Variants in KIAA1671 observed in about 807,000 individuals in gnomAD.
The protein encoded by KIAA1671 is KIAA1671.
Under a neutral mutation model 131.2 loss-of-function variants are expected in KIAA1671, and 52 were observed. The observed-to-expected ratio is 0.40, with a 90% CI of 0.32 to 0.50. KIAA1671 has a LOEUF of 0.50. KIAA1671 is among the 20% of genes least tolerant of loss of function. KIAA1671 has a pLI of 0.73. For synonymous variants in KIAA1671, 1,003 were observed against 961.6 expected, an observed-to-expected ratio of 1.04 and a Z score of -0.80; for missense variants, 2,360 against 2,364.2, an observed-to-expected ratio of 1.00 and a Z score of 0.04.
At chr22:25,042,114 A>T (rs1926960927) in intron 5 of KIAA1671, among the ~76,000 whole-genome samples, 2 of 152,192 alleles carry the variant, frequency 1.3e-5, no homozygotes, top group East Asian at 1.9e-4. Context: ...GAATCTGAAA[A>T]TCTAGATTTT....
intron 1 of KIAA1671, among the ~76,000 whole-genome samples, chr22:24,990,525 C>T (rs1400409816): frequency 2.0e-5 from 3 of 152,262 alleles, no homozygotes; most frequent in African/African-American, 4.8e-5. Context: ...TGCTCACACA[C>T]ATGTGCCTGC....
intron 5 of KIAA1671, 99 bp from the exon 6 acceptor site, chr22:25,049,131 T>C (rs1927396603): frequency 1.4e-6 from 2 of 1,388,162 alleles, no homozygotes; most frequent in Non-Finnish European, 1.9e-6. Flanking sequence ...TTTTCTTCTT[T>C]GCCCTTTTTG....
At chr22:25,097,450 A>G (rs1930443663) in intron 6 of KIAA1671, among the ~76,000 whole-genome samples, 1 of 152,200 alleles carries the variant, frequency 6.6e-6, no homozygotes, top group South Asian at 2.1e-4. Context: ...GCACCTTCAA[A>G]AGGTTGTAGG....
chr22:25,167,408 G>A (rs1014150338), intron 6 of KIAA1671, among the ~76,000 whole-genome samples: 1 of 152,152 alleles, frequency 6.6e-6, no homozygotes, highest in African/African-American at 2.4e-5. Context: ...GATTATAGTG[G>A]TGAAGAAAAT....
intron 6 of KIAA1671, among the ~76,000 whole-genome samples, chr22:25,136,922 C>G (rs771692791): frequency 3.3e-5 from 5 of 152,070 alleles, no homozygotes; most frequent in Non-Finnish European, 5.9e-5. Flanking sequence ...CAGAATGATA[C>G]GGATACTTCA....
chr22:25,091,036 A>G (rs1024821479), intron 6 of KIAA1671, among the ~76,000 whole-genome samples: 17 of 152,138 alleles, frequency 1.1e-4, no homozygotes, highest in African/African-American at 4.1e-4. Context: ...GACTGCGTGA[A>G]TGAGTGAAGG....
chr22:25,029,321 T>C lies in KIAA1671; in HGVS notation c.1322T>C (p.Ile441Thr). ...WASRRSVRKC[I>T]SLFREDSTLA... ...TCCAGGAGGAGTGTCAGGAAGTGCA[T>C]CAGCCTGTTTCGGGAGGACAGCACC... The change falls in exon 3 of 13, where the codon ATC becomes ACC. Residue 441 changes from isoleucine to threonine, a missense_variant. Physicochemically the swap from Ile to Thr is moderately conservative, Grantham distance 89 (BLOSUM62 -1). This residue lies in a region of KIAA1671 where 1,185 missense variants were observed against 1,126.2 expected (regional missense o/e 1.05). Transcript: ENST00000358431. 2.6e-6 allele frequency: 4 copies of C among 1,543,644 alleles called. No individual in the cohort carries two copies. Among genetic ancestry groups the C allele is most frequent in the Non-Finnish European group, 3.5e-6 (4 of 1,142,498 alleles).
intron 1 of KIAA1671, among the ~76,000 whole-genome samples, chr22:25,006,792 C>T (rs577096929): frequency 6.6e-6 from 1 of 152,254 alleles, no homozygotes; most frequent in East Asian, 1.9e-4. Flanking sequence ...CTGTTTCTGT[C>T]CTCACGTTCT....
chr22:24,970,214 G>C (rs760322240), intron 1 of KIAA1671, among the ~76,000 whole-genome samples: 1 of 152,180 alleles, frequency 6.6e-6, no homozygotes, highest in Non-Finnish European at 1.5e-5. Flanking sequence ...CTTCAGCAGT[G>C]GCTTCTGGAG....
Position 25,173,546 on chromosome 22 carries a change from T to C in KIAA1671, c.4650-694T>C, listed in dbSNP as rs74384157. ...GCAGAAATACAACATGATGATTTGA[T>C]CCTTATGCAATATATACATGTATTG... On this transcript the variant is annotated intron_variant, in intron 7 of 12. Transcript: ENST00000358431. Among the ~76,000 whole-genome samples, 696 of 152,310 alleles carry C rather than the reference T, an allele frequency of 4.6e-3. 5 individuals carry two copies. Among genetic ancestry groups the C allele is most frequent in the African/African-American group, 0.016 (660 of 41,562 alleles).
chr22:25,144,571 G>A (rs1324978973), intron 6 of KIAA1671, among the ~76,000 whole-genome samples: 1 of 152,192 alleles, frequency 6.6e-6, no homozygotes, highest in Non-Finnish European at 1.5e-5. Flanking sequence ...GACTTGGGCT[G>A]GAATACCCTT....
At chr22:25,038,454 T>C (rs1434408398) in intron 4 of KIAA1671, among the ~76,000 whole-genome samples, 1 of 152,232 alleles carries the variant, frequency 6.6e-6, no homozygotes, top group Non-Finnish European at 1.5e-5. Flanking sequence ...TTCTTGTTTG[T>C]GTAGGCTTGT....
chr22:24,966,288 G>A (rs921019617), intron 1 of KIAA1671, among the ~76,000 whole-genome samples: 4 of 152,182 alleles, frequency 2.6e-5, no homozygotes, highest in East Asian at 1.9e-4. Flanking sequence ...GAGCACTGCC[G>A]AGGGAAGGAA....
In KIAA1671 at chr22:25,041,317, G is replaced by A. The variant is rs907258221; in HGVS notation, c.4187G>A (p.Arg1396His). The A allele has an allele frequency of 3.9e-6, 6 of 1,551,612 alleles. No homozygotes were observed. The highest frequency in any genetic ancestry group is 2.7e-5 in the African/African-American group (2 of 73,046). ...GTGGCCCAGTGGGGTGACCACCCAC[G>A]TGACTGTGGACGGGTGCCGCTGGAT... is the stretch of plus-strand genomic sequence containing the variant. ...DSVAQWGDHP[R>H]DCGRVPLDIK... is the part of the protein sequence containing the mutation. Residue 1396 changes from arginine to histidine, a missense_variant, in exon 5 of 13, where the codon CGT becomes CAT. This residue lies in a region of KIAA1671 where 1,161 missense variants were observed against 1,204.7 expected (regional missense o/e 0.96). Coordinates refer to ENST00000358431, the MANE Select transcript of KIAA1671 (RefSeq NM_001145206.2).
chr22:25,010,585 A>C (rs947731579), intron 1 of KIAA1671: 8 of 152,130 alleles, frequency 5.3e-5, no homozygotes, highest in Non-Finnish European at 7.4e-5. Flanking sequence ...ATTTGAAGTA[A>C]GTATCATTGA....
chr22:25,084,489 A>T (rs1294711119), intron 6 of KIAA1671, among the ~76,000 whole-genome samples: 4 of 151,248 alleles, frequency 2.6e-5, no homozygotes, highest in Non-Finnish European at 4.4e-5. Context: ...ACAATGTATA[A>T]AAGGTATTTT....
chr22:25,106,919 A>G (rs371243564), intron 6 of KIAA1671, among the ~76,000 whole-genome samples: 1 of 152,220 alleles, frequency 6.6e-6, no homozygotes. Context: ...GAACATTCTT[A>G]TAGCAAAATG....
intron 1 of KIAA1671, among the ~76,000 whole-genome samples, chr22:24,995,341 T>C (rs529809304): frequency 7.2e-5 from 10 of 139,472 alleles, no homozygotes; most frequent in East Asian, 6.7e-4. Flanking sequence ...CGTGAGCCAC[T>C]GCGCCCGGCC....
intron 6 of KIAA1671, among the ~76,000 whole-genome samples, chr22:25,093,727 A>T (rs1568950804): frequency 0.028 from 1,720 of 61,038 alleles, 196 homozygotes; most frequent in African/African-American, 0.071. Context: ...ACACACACAC[A>T]CACACACACA....
Sources: gnomAD v4.1 joint callset for allele counts (sites outside exome capture counted in the v4.1 genomes callset) on GRCh38, gnomAD v4.1.1 for gene constraint, gnomAD v4.1.1 regional missense constraint, MANE v1.5 for transcripts, NCBI Gene and HGNC (gene_info 2026-07-23, HGNC 2026-07-21) for gene names.